LRIT1: variants seen among roughly 807,000 people sequenced by gnomAD.
LRIT1 encodes leucine rich repeat, Ig-like and transmembrane domains 1, also known as leucine-rich repeat, immunoglobulin-like domain and transmembrane domain-containing protein 1.
LRIT1 carries 23 observed loss-of-function variants against 24.0 expected under a neutral mutation model. That is an observed-to-expected ratio of 0.96 (90% CI 0.69 to 1.36). The LOEUF is 1.36. LRIT1 is among the 40% of genes most tolerant of loss of function. The pLI, the probability that LRIT1 is intolerant of heterozygous loss-of-function variation, is 0.00. For synonymous variants in LRIT1, 361 were observed against 340.5 expected, an observed-to-expected ratio of 1.06 and a Z score of -0.66; for missense variants, 846 against 806.3, an observed-to-expected ratio of 1.05 and a Z score of -0.60.
At chr10:84,233,929 G>A (rs962875243) in intron 3 of LRIT1, 144 bp downstream of exon 3, 2 of 620,508 alleles carry the variant, frequency 3.2e-6, no homozygotes, top group African/African-American at 3.7e-5. Flanking sequence ...CCTCTGGGAA[G>A]CCCCTGTCAA....
At position 84,237,464 on chromosome 10, in the gene LRIT1, G is replaced by C. The variant is rs774425912; in HGVS notation, c.345C>G (p.Pro115=). The C allele has an allele frequency of 2.7e-5, 43 of 1,568,870 alleles. No individual in the cohort carries two copies. Among genetic ancestry groups the C allele is most frequent in the South Asian group, 2.1e-4 (18 of 86,958 alleles). ...AGGGGAAGGCGGCCAGGCGGTTCCC[G>C]GGCAGCCGCAGCTCCCGCAGGCGTC... ...GLRRLRELRL[P]GNRLAAFPWA... is the part of the protein sequence containing the mutation. Residue 115 remains proline, a synonymous_variant, in exon 2 of 4, where the codon CCC becomes CCG. Transcript: ENST00000372105.
At position 84,237,548 on chromosome 10, in the gene LRIT1, C is replaced by A. The variant is rs1216667115; in HGVS notation, c.261G>T (p.Gln87His). ...TGAGGGCGTTGTAAGGCAGCCACAGCTGCTCCAGGCGGCCCAGGGGCCTGA... is the reference window on the plus strand; with the variant it reads ...TGAGGGCGTTGTAAGGCAGCCACAGATGCTCCAGGCGGCCCAGGGGCCTGA... ...EAFRPLGRLE[Q>H]LWLPYNALSE... Residue 87 changes from glutamine (Q) to histidine (H), a missense_variant, in exon 2 of 4, where the codon CAG (glutamine) becomes CAT (histidine). Coordinates refer to ENST00000372105, the MANE Select transcript of LRIT1 (RefSeq NM_015613.3). 4 of 1,605,848 alleles carry A rather than the reference C, an allele frequency of 2.5e-6. No homozygotes were observed. Among genetic ancestry groups the A allele is most frequent in the Admixed American group, 1.7e-5 (1 of 59,980 alleles).
At chr10:84,240,675 G>A (rs1410400944) in intron 1 of LRIT1, among the ~76,000 whole-genome samples, 2 of 152,210 alleles carry the variant, frequency 1.3e-5, no homozygotes, top group Non-Finnish European at 2.9e-5. Flanking sequence ...GGATCAGACA[G>A]AGGGTGGGGA....
rs1453040379 is a variant in LRIT1, at chr10:84,232,515, T to C, written c.1284A>G (p.Ala428=). 5 of 1,614,068 alleles carry C rather than the reference T, an allele frequency of 3.1e-6. No homozygotes were observed. Among genetic ancestry groups the C allele is most frequent in the African/African-American group, 1.3e-5 (1 of 74,950 alleles). ...CCACCTTCACAGACCTCACCATTCG[T>C]GCCTCTGAGGGTCCTGCCCGCCCAT... ...LSDGRAGPSE[A]RMVRSVKVVG... is the part of the protein sequence containing the mutation. The change falls in exon 4 of 4, where the codon GCA becomes GCG. Residue 428 remains alanine, a synonymous_variant. Transcript: ENST00000372105.
intron 1 of LRIT1, among the ~76,000 whole-genome samples, chr10:84,240,376 G>T (rs1350236333): frequency 6.6e-6 from 1 of 152,122 alleles, no homozygotes; most frequent in East Asian, 1.9e-4. Context: ...TTTTCTTAGT[G>T]GTTCTTCTCC....
intron 3 of LRIT1, among the ~76,000 whole-genome samples, chr10:84,233,392 T>C (rs1185264403): frequency 6.6e-6 from 1 of 151,978 alleles, no homozygotes; most frequent in Non-Finnish European, 1.5e-5. Flanking sequence ...TGCTGGTAAC[T>C]CCTAGACTCC....
At chr10:84,235,735 C>A (rs1842642020) in intron 2 of LRIT1, among the ~76,000 whole-genome samples, 2 of 151,982 alleles carry the variant, frequency 1.3e-5, no homozygotes. Flanking sequence ...CTCAGCCGCC[C>A]AAGTAAGTGG....
chr10:84,241,218 A>C, intron 1 of LRIT1, 100 bp downstream of exon 1: 1 of 1,551,862 alleles, frequency 6.4e-7, no homozygotes, highest in South Asian at 1.2e-5. Flanking sequence ...AAGGGAGATG[A>C]AGACCTCACC....
chr10:84,241,412 G>A lies in LRIT1; in HGVS notation c.28C>T (p.Leu10Phe), dbSNP rs764278932. 3.1e-6 allele frequency: 5 copies of A among 1,603,998 alleles called. No individual in the cohort carries two copies. Among genetic ancestry groups the A allele is most frequent in the Non-Finnish European group, 4.3e-6 (5 of 1,175,728 alleles). ...TGGGGGGGCCACGCAAGGGCCAAGA[G>A]CCAGAGCATGCCTAATGCCACCCTC... MRVALGMLW[L>F]LALAWPPQAR... The change falls in exon 1 of 4, where the codon CTC (leucine) becomes TTC (phenylalanine). Residue 10 changes from leucine (L) to phenylalanine (F), a missense_variant. Leu to Phe is a conservative substitution (Grantham distance 22). Transcript: ENST00000372105.
chr10:84,236,463 G>T (rs1842648597), intron 2 of LRIT1, among the ~76,000 whole-genome samples: 1 of 152,154 alleles, frequency 6.6e-6, no homozygotes, highest in Admixed American at 6.6e-5. Flanking sequence ...AGAATATTGT[G>T]CAGTAGTTTT....
intron 1 of LRIT1, among the ~76,000 whole-genome samples, chr10:84,239,229 A>G (rs1412531898): frequency 3.9e-5 from 6 of 152,358 alleles, no homozygotes; most frequent in Non-Finnish European, 5.9e-5. Context: ...GTCTCCATAC[A>G]GTGTGTAATC....
rs75121307 is a variant in LRIT1, at chr10:84,232,136, G to A, written c.1663C>T (p.Arg555Cys). 1.6e-5 allele frequency: 26 copies of A among 1,614,064 alleles called. No individual in the cohort carries two copies. Among genetic ancestry groups the A allele is most frequent in the South Asian group, 7.7e-5 (7 of 91,086 alleles). ...TCCTTGTTGAAGCACTTTCGGCAGC[G>A]CTTCTGAAGAGCACTGCAGCAGACA... is the stretch of plus-strand genomic sequence containing the variant. ...LLVCCSALQK[R>C]CRKCFNKDST... Residue 555 changes from arginine (R) to cysteine (C), a missense_variant, in exon 4 of 4, where the codon CGC (arginine) becomes TGC (cysteine). Coordinates refer to ENST00000372105, the MANE Select transcript of LRIT1 (RefSeq NM_015613.3).
At chr10:84,240,841 C>T (rs1451374728) in intron 1 of LRIT1, among the ~76,000 whole-genome samples, 6 of 151,930 alleles carry the variant, frequency 3.9e-5, no homozygotes, top group Non-Finnish European at 1.5e-5. Flanking sequence ...GGCAAGTGGT[C>T]CCATCATGGG....
intron 2 of LRIT1, among the ~76,000 whole-genome samples, chr10:84,236,303 A>T (rs372811469): frequency 2.6e-5 from 4 of 152,162 alleles, no homozygotes; most frequent in Non-Finnish European, 4.4e-5. Context: ...CTCAAAAAAA[A>T]AAAAAGGAAT....
At position 84,232,078 on chromosome 10, in the gene LRIT1, A is replaced by C. The variant is rs1403612087; in HGVS notation, c.1721T>G (p.Leu574Arg). ...STEATVTYVN[L>R]ERLGYSEDGL... ...GTCCTCGCTGTAGCCCAGTCTCTCT[A>C]GGTTGACGTAGGTAACTGTGGCCTC... The change falls in exon 4 of 4, where the codon CTA becomes CGA. Residue 574 changes from leucine (L) to arginine (R), a missense_variant. Physicochemically the swap from Leu to Arg is moderately radical, Grantham distance 102 (BLOSUM62 -2). Transcript: ENST00000372105. 1 of 1,614,134 alleles carries C rather than the reference A, an allele frequency of 6.2e-7. No homozygotes were observed.
Position 84,237,232 on chromosome 10 carries a change from T to C in LRIT1, c.577A>G (p.Arg193Gly). The C allele has an allele frequency of 2.6e-6, 4 of 1,550,224 alleles. No individual in the cohort carries two copies. In the South Asian group the frequency reaches 3.6e-5, roughly 14 times the overall value. ...TGCCGACCCTTACCTAGGACCCGCCTGGGGTGGTGGCCGGGAGGAAAGATA... is the reference window on the plus strand; with the variant it reads ...TGCCGACCCTTACCTAGGACCCGCCCGGGGTGGTGGCCGGGAGGAAAGATA... Reference protein sequence around the residue: ...TGIFPPGHHPRRVLGLQDNPW... With the variant: ...TGIFPPGHHPGRVLGLQDNPW... The change falls in exon 2 of 4, where the codon AGG becomes GGG. Residue 193 changes from arginine to glycine, a missense_variant. Transcript: ENST00000372105.
At position 84,232,252 on chromosome 10, in the gene LRIT1, T is replaced by C. The variant is rs775435628; in HGVS notation, c.1547A>G (p.Asn516Ser). Residue 516 changes from asparagine to serine, a missense_variant, in exon 4 of 4, where the codon AAT becomes AGT. Physicochemically the swap from Asn to Ser is conservative, Grantham distance 46. Transcript: ENST00000372105. ...AGTGTTCTCAGCATCCACCACTTCA[T>C]TGGTGGAGAAAATAACACACTGCTC... ...RKEQCVIFST[N>S]EVVDAENTQQ... The C allele has an allele frequency of 1.7e-5, 27 of 1,613,926 alleles. No homozygotes were observed. Among genetic ancestry groups the C allele is most frequent in the Admixed American group, 1.3e-4 (8 of 60,002 alleles).
rs1842615978 is a variant in LRIT1 at position 84,232,901 on chromosome 10, G to A, written c.898C>T (p.His300Tyr). ...GTGCCGTCACTGGAGACTTCCTGGT[G>A]CACTAGGAGGAAAACAGGCATGTGT... is the stretch of plus-strand genomic sequence containing the variant. ...ANGRPLNGTV[H>Y]QEVSSDGTSW... Residue 300 changes from histidine (H) to tyrosine (Y), a missense_variant and splice_region_variant, in exon 4 of 4, where the codon CAC becomes TAC. Transcript: ENST00000372105. 2 of 1,608,836 alleles carry A rather than the reference G, an allele frequency of 1.2e-6. No homozygotes were observed. Among genetic ancestry groups the A allele is most frequent in the African/African-American group, 1.3e-5 (1 of 75,004 alleles).
intron 2 of LRIT1, among the ~76,000 whole-genome samples, chr10:84,235,180 ATATCT>A (rs533648573): frequency 2.4e-4 from 37 of 152,218 alleles, no homozygotes; most frequent in Non-Finnish European, 8.8e-5. Context: ...ATAATCAATG[ATATCT>A]TATACATTCA....
Sources: allele counts gnomAD v4.1 joint callset (sites outside exome capture counted in the v4.1 genomes callset), GRCh38; gene constraint gnomAD v4.1.1; transcripts MANE v1.5; gene names NCBI Gene and HGNC (gene_info 2026-07-23, HGNC 2026-07-21).